The following CYP2J2 variants were observed in gnomAD, a reference collection of about 807,000 sequenced individuals.
The protein encoded by CYP2J2 is cytochrome P450 family 2 subfamily J member 2, also known as cytochrome P450 2J2.
In CYP2J2, 41 loss-of-function variants were observed where a neutral mutation model predicts 48.8. The ratio of observed to expected loss-of-function variants is 0.84; its 90% CI spans 0.66 to 1.09. The LOEUF (loss-of-function observed/expected upper bound fraction) is 1.09. Among genes scored for constraint, CYP2J2 ranks in the 50% least tolerant of loss-of-function variants. The pLI is 0.00. For missense variants in CYP2J2, 644 were observed against 617.3 expected, an observed-to-expected ratio of 1.04 and a Z score of -0.46; for synonymous variants, 221 against 227.1, an observed-to-expected ratio of 0.97 and a Z score of 0.24.
At position 59,897,052 on chromosome 1, in the gene CYP2J2, A is replaced by G. The variant is rs72925823; in HGVS notation, c.1331-3223T>C. Among the ~76,000 whole-genome samples the G allele has an allele frequency of 9.4e-3, 1,425 of 152,342 alleles. 17 individuals are homozygous for G. Among genetic ancestry groups the G allele is most frequent in the African/African-American group, 0.032 (1,329 of 41,564 alleles). Reference sequence around the variant, plus strand: ...GGAAATAAAGTTAGATCATATATGCAAAAATGCTTAGTAAAGGCAAACATG... The same window carrying G: ...GGAAATAAAGTTAGATCATATATGCGAAAATGCTTAGTAAAGGCAAACATG... On this transcript the variant is annotated intron_variant, in intron 8 of 8. Transcript: ENST00000371204.
the CYP2J2 span, among the ~76,000 whole-genome samples, chr1:59,935,023 T>TATATATAC: frequency 1.3e-5 from 1 of 75,322 alleles, no homozygotes; most frequent in South Asian, 6.0e-4. Flanking sequence ...TACATATATA[T>TATATATAC]ATATATATAT....
intron 2 of CYP2J2, among the ~76,000 whole-genome samples, chr1:59,914,802 T>C (rs1027443496): frequency 6.6e-5 from 10 of 152,160 alleles, no homozygotes; most frequent in Admixed American, 2.6e-4. Flanking sequence ...GGGTCTGTGC[T>C]GGGGAGGATT....
At chr1:59,935,043 TATATATATAC>T in the CYP2J2 span, among the ~76,000 whole-genome samples, 1 of 110,834 alleles carries the variant, frequency 9.0e-6, no homozygotes, top group African/African-American at 3.5e-5. Context: ...TATATATATA[TATATATATAC>T]ACAACAGAAT....
chr1:59,958,340 A>C, the CYP2J2 span, among the ~76,000 whole-genome samples: 2 of 152,164 alleles, frequency 1.3e-5, no homozygotes, highest in South Asian at 4.2e-4. Flanking sequence ...TATCAACAAA[A>C]TTTTCCATAT....
At chr1:59,957,166 TG>T in the CYP2J2 span, among the ~76,000 whole-genome samples, 1 of 152,144 alleles carries the variant, frequency 6.6e-6, no homozygotes, top group Admixed American at 6.6e-5. Flanking sequence ...TAGGATGATT[TG>T]TTCAACGCAA....
chr1:59,904,851 T>C lies in CYP2J2; in HGVS notation c.1191+20A>G. On this transcript the variant is annotated intron_variant, in intron 7 of 8. Coordinates refer to ENST00000371204, the MANE Select transcript of CYP2J2 (RefSeq NM_000775.4). ...GTTTCTACCCCCCTAAAAGATGGGC[T>C]TGAAGATCTGCTTAATTACCTTGGG... is the stretch of plus-strand genomic sequence containing the variant. The C allele has an allele frequency of 6.2e-7, 1 of 1,606,660 alleles. No homozygotes were observed. Among genetic ancestry groups the C allele is most frequent in the Non-Finnish European group, 8.5e-7 (1 of 1,176,622 alleles).
intron 2 of CYP2J2, 69 bp from the exon 3 acceptor site, chr1:59,912,380 G>A: frequency 6.7e-7 from 1 of 1,498,952 alleles, no homozygotes; most frequent in Non-Finnish European, 9.1e-7. Flanking sequence ...AATGATATGG[G>A]AATGTGTATC....
intron 3 of CYP2J2, 103 bp downstream of exon 3, chr1:59,912,059 A>G: frequency 8.0e-7 from 1 of 1,255,220 alleles, no homozygotes; most frequent in Non-Finnish European, 1.1e-6. Flanking sequence ...TTCCATTCCT[A>G]GCACAGTGCT....
the CYP2J2 span, among the ~76,000 whole-genome samples, chr1:59,958,719 C>T: frequency 6.6e-6 from 1 of 152,132 alleles, no homozygotes; most frequent in Non-Finnish European, 1.5e-5. Context: ...ATTCATTCTC[C>T]ATCCAACACC....
At chr1:59,950,746 T>C in the CYP2J2 span, among the ~76,000 whole-genome samples, 1 of 152,326 alleles carries the variant, frequency 6.6e-6, no homozygotes, top group East Asian at 1.9e-4. Context: ...GTGGCTCAAC[T>C]AAGATGGGGA....
the CYP2J2 span, among the ~76,000 whole-genome samples, chr1:59,951,864 T>C: frequency 3.0e-3 from 456 of 152,288 alleles, no homozygotes; most frequent in African/African-American, 0.01. Context: ...AGTTTTGACA[T>C]TCTTGTTTTT....
chr1:59,941,757 TA>T, the CYP2J2 span, among the ~76,000 whole-genome samples: 1 of 147,922 alleles, frequency 6.8e-6, no homozygotes, highest in East Asian at 1.9e-4. Context: ...TTTAAAAGTT[TA>T]AAAAAAATAA....
chr1:59,901,196 G>A (rs763853328), intron 7 of CYP2J2, 93 bp from the exon 8 acceptor site: 1 of 1,390,662 alleles, frequency 7.2e-7, no homozygotes, highest in Non-Finnish European at 1.0e-6. Flanking sequence ...CCTTGCCGGG[G>A]GCCTGAACAT....
At chr1:59,960,587 T>C in the CYP2J2 span, among the ~76,000 whole-genome samples, 1 of 152,104 alleles carries the variant, frequency 6.6e-6, no homozygotes, top group African/African-American at 2.4e-5. Flanking sequence ...AAACTATCAA[T>C]CAAGAATAAA....
At chr1:59,920,268 A>G (rs1403739213) in intron 1 of CYP2J2, among the ~76,000 whole-genome samples, 1 of 150,448 alleles carries the variant, frequency 6.6e-6, no homozygotes, top group African/African-American at 2.5e-5. Context: ...TGAGAACACC[A>G]TATACAGATG....
chr1:59,924,243 C>T (rs1469575076), intron 1 of CYP2J2, among the ~76,000 whole-genome samples: 2 of 152,112 alleles, frequency 1.3e-5, no homozygotes, highest in Non-Finnish European at 2.9e-5. Flanking sequence ...TAAATACATT[C>T]TTAGATGAAG....
chr1:59,935,039 T>C, the CYP2J2 span, among the ~76,000 whole-genome samples: 5 of 100,416 alleles, frequency 5.0e-5, no homozygotes, highest in South Asian at 2.7e-4. Context: ...TATATATATA[T>C]ATATATATAT....
chr1:59,898,702 C>A (rs1399697026), intron 8 of CYP2J2, among the ~76,000 whole-genome samples: 1 of 152,186 alleles, frequency 6.6e-6, no homozygotes, highest in African/African-American at 2.4e-5. Flanking sequence ...AGGACCAGTT[C>A]TGCAAATTCC....
upstream of CYP2J2, among the ~76,000 whole-genome samples, chr1:59,929,676 G>A (rs894544739): frequency 6.6e-6 from 1 of 152,048 alleles, no homozygotes; most frequent in African/African-American, 2.4e-5. Context: ...GAAGAGGAAA[G>A]AATCAGTGAA....
Sources: gnomAD v4.1 joint callset for allele counts (sites outside exome capture counted in the v4.1 genomes callset) on GRCh38, gnomAD v4.1.1 for gene constraint, MANE v1.5 for transcripts, NCBI Gene and HGNC (gene_info 2026-07-23, HGNC 2026-07-21) for gene names.